Variants in CFAP97D1 observed in about 807,000 individuals in gnomAD.
CFAP97D1 encodes the protein CFAP97 domain containing 1.
Under a neutral mutation model 20.5 loss-of-function variants are expected in CFAP97D1, and 15 were observed. The ratio of observed to expected loss-of-function variants is 0.73; its 90% confidence interval spans 0.49 to 1.13. The LOEUF is 1.13. CFAP97D1 is among the 50% of genes most tolerant of loss of function. The pLI is 0.00. For missense variants in CFAP97D1, 168 were observed against 202.9 expected (o/e 0.83, Z 1.04); for synonymous variants, 58 against 71.2 (o/e 0.82, Z 0.93).
In CFAP97D1 at chr17:43,781,846, C is replaced by T. The variant is rs144404351; in HGVS notation, c.268C>T (p.Arg90Cys). 291 of 1,551,390 alleles carry T rather than the reference C, an allele frequency of 1.9e-4. 2 individuals carry two copies. The African/African-American group carries it at 3.7e-3, about 19-fold the overall frequency. ...QLCQKIANAH[R>C]GPAKVDCWNE... ...GTGTCAGAAAATCGCAAATGCCCAT[C>T]GCGGCCCTGCCAAGGTGGATTGCTG... The change falls in exon 3 of 6, where the codon CGC becomes TGC. Residue 90 changes from arginine to cysteine, a missense_variant. Physicochemically the swap from Arg to Cys is radical, Grantham distance 180 (BLOSUM62 -3). Transcript: ENST00000449302.
rs540398855 is a variant in CFAP97D1, at chr17:43,786,955, C to CAT, written c.*2574_*2575dup. The CAT allele has an allele frequency of 6.7e-6, 1 of 149,656 alleles. No individual in the cohort carries two copies. The highest frequency in any genetic ancestry group is 2.5e-5 in the African/African-American group (1 of 40,470). 9.3% of individuals were successfully genotyped at this position (149,656 alleles called of 1,614,324 possible). On this transcript the variant is annotated 3_prime_UTR_variant, in exon 6 of 6. Coordinates refer to ENST00000449302, the MANE Select transcript of CFAP97D1 (RefSeq NM_001136483.3). The stretch of plus-strand genomic sequence containing the variant: ...TTGGGGTAGTTTCTAGTTTTTCAAA[C>CAT]ATTATTATTATTATTATTATTATTA...
Position 43,781,327 on chromosome 17 carries a change from G to A in CFAP97D1, c.195+138G>A, listed in dbSNP as rs553172591. The A allele has an allele frequency of 1.2e-4, 86 of 700,994 alleles. 1 individual carries two copies. The highest frequency in any genetic ancestry group is 8.5e-4 in the East Asian group (31 of 36,470). The allele number at this position is 700,994 out of a possible 1,614,324, so 43.4% of individuals were successfully genotyped here. ...TTGTTAATACTCCTCCTCCCCACGC[G>A]TCACCCCCAGTCGTTTTTTTCCCCC... On this transcript the variant is annotated intron_variant, in intron 2 of 5. Transcript: ENST00000449302.
In CFAP97D1 at chr17:43,781,615, G is replaced by A. The variant is rs181463187; in HGVS notation, c.196-159G>A. Among the ~76,000 whole-genome samples the A allele has an allele frequency of 1.9e-3, 288 of 151,292 alleles. 1 individual carries two copies. Among genetic ancestry groups the A allele is most frequent in the Middle Eastern group, 0.01 (3 of 294 alleles). On this transcript the variant is annotated intron_variant, in intron 2 of 5. Transcript: ENST00000449302. Reference sequence around the variant, plus strand: ...GCTGGGATTACAGGCGTGAGCCACCGTGCCCGGCCGCCCAGTCTTTTAAGT... The same window carrying A: ...GCTGGGATTACAGGCGTGAGCCACCATGCCCGGCCGCCCAGTCTTTTAAGT...
chr17:43,781,322 C>G (rs1042448514), intron 2 of CFAP97D1, 133 bp downstream of exon 2: 6 of 727,314 alleles, frequency 8.2e-6, no homozygotes, highest in Non-Finnish European at 1.4e-5. Flanking sequence ...TCCTCCTCCC[C>G]ACGCGTCACC....
At position 43,783,161 on chromosome 17, in the gene CFAP97D1, G is replaced by C. The variant is rs553692249; in HGVS notation, c.315-19G>C. The C allele has an allele frequency of 3.2e-6, 5 of 1,551,268 alleles. No homozygotes were observed. The highest frequency in any genetic ancestry group is 4.4e-6 in the Non-Finnish European group (5 of 1,146,878). ...GAGCATTTCCTTCTTCACCCATTTC[G>C]GGGTTTTGTGTTTTTCAGCTTAAAC... On this transcript the variant is annotated intron_variant, in intron 3 of 5. Coordinates refer to ENST00000449302, the MANE Select transcript of CFAP97D1 (RefSeq NM_001136483.3).
intron 4 of CFAP97D1, among the ~76,000 whole-genome samples, 189 bp from the exon 5 acceptor site, chr17:43,783,648 G>A (rs576222669): frequency 6.6e-6 from 1 of 151,694 alleles, no homozygotes; most frequent in African/African-American, 2.4e-5. Flanking sequence ...TCAGTATGCG[G>A]TTGGTTTGCT....
At position 43,784,857 on chromosome 17, in the gene CFAP97D1, G is replaced by A. The variant is rs2044281604; in HGVS notation, c.*475G>A. The A allele has an allele frequency of 6.6e-6, 1 of 152,154 alleles. No homozygotes were observed. The highest frequency in any genetic ancestry group is 2.4e-5 in the African/African-American group (1 of 41,428). The allele number at this position is 152,154 out of a possible 1,614,324, so 9.4% of individuals were successfully genotyped here. On this transcript the variant is annotated 3_prime_UTR_variant, in exon 6 of 6. Transcript: ENST00000449302. ...AGAATGCCTCATTGAAGTTTCCATG[G>A]ACTCTGTTCATTTATAGGGAGCAGC...
In CFAP97D1 at chr17:43,783,211, G is replaced by A; in HGVS notation, c.346G>A (p.Val116Met). The A allele has an allele frequency of 1.3e-6, 2 of 1,551,532 alleles. No individual in the cohort carries two copies. Among genetic ancestry groups the A allele is most frequent in the South Asian group, 1.2e-5 (1 of 84,052 alleles). ...CAGAGAAACAAGGAACCGCGAGCTA[G>A]TGAGAATCACCATGGAAAACCAGGG... Reference protein sequence around the residue: ...LNRETRNRELVRITMENQGIL... With the variant: ...LNRETRNRELMRITMENQGIL... Residue 116 changes from valine (V) to methionine (M), a missense_variant, in exon 4 of 6, where the codon GTG (valine) becomes ATG (methionine). By Grantham distance (21) the Val-to-Met change is conservative (BLOSUM62 1). Coordinates refer to ENST00000449302, the MANE Select transcript of CFAP97D1 (RefSeq NM_001136483.3).
In CFAP97D1 at chr17:43,786,316, T is replaced by C. The variant is rs2044292396; in HGVS notation, c.*1934T>C. 6.6e-6 allele frequency: 1 copy of C among 152,138 alleles called. No individual in the cohort carries two copies. The highest frequency in any genetic ancestry group is 2.4e-5 in the African/African-American group (1 of 41,406). The allele number at this position is 152,138 out of a possible 1,614,324, so 9.4% of individuals were successfully genotyped here. ...CACCCAAAAATAATGCTTTACCAGG[T>C]TTCTATTCAGTCAAGTTGGCACCTT... On this transcript the variant is annotated 3_prime_UTR_variant, in exon 6 of 6. Transcript: ENST00000449302.
chr17:43,781,008 C>T (rs1974466862), intron 1 of CFAP97D1, 111 bp from the exon 2 acceptor site: 2 of 775,914 alleles, frequency 2.6e-6, no homozygotes, highest in South Asian at 3.4e-5. Flanking sequence ...GCATTAAGGT[C>T]CTAATTCGAA....
rs534264069 is a variant in CFAP97D1, at chr17:43,783,260, G to T, written c.395G>T (p.Arg132Leu). 7 of 1,551,312 alleles carry T rather than the reference G, an allele frequency of 4.5e-6. No individual in the cohort carries two copies. The South Asian group carries it at 5.9e-5, about 13-fold the overall frequency. ...GGCATTCTGAAGAGGCTTGTTGATC[G>T]CAAACCCCACTATGACCGCAGGGCA... The part of the protein sequence containing the change: ...NQGILKRLVD[R>L]KPHYDRRASE... Residue 132 changes from arginine (R) to leucine (L), a missense_variant, in exon 4 of 6, where the codon CGC (arginine) becomes CTC (leucine). Arg to Leu is a moderately radical substitution (Grantham distance 102). Transcript: ENST00000449302.
At chr17:43,781,042 G>C (rs1974467170) in intron 1 of CFAP97D1, 77 bp from the exon 2 acceptor site, 1 of 1,093,908 alleles carries the variant, frequency 9.1e-7, no homozygotes, top group Non-Finnish European at 1.4e-6. Context: ...CAAGGACATT[G>C]TCTAGTGCTG....
rs2154590829 is a variant in CFAP97D1 at position 43,784,434 on chromosome 17, C to T, written c.*52C>T. 6.6e-6 allele frequency: 1 copy of T among 152,382 alleles called. No individual in the cohort carries two copies. Among genetic ancestry groups the T allele is most frequent in the East Asian group, 1.9e-4 (1 of 5,192 alleles). The allele number at this position is 152,382 out of a possible 1,614,324, so 9.4% of individuals were successfully genotyped here. ...AGAAGGCCCTAGGATTTCTTGGCTG[C>T]TCAGGATCTCAAGACACTCCCGACT... On this transcript the variant is annotated 3_prime_UTR_variant, in exon 6 of 6. Transcript: ENST00000449302.
rs2044290630 is a variant in CFAP97D1 at position 43,786,029 on chromosome 17, G to A, written c.*1647G>A. 6.6e-6 allele frequency: 1 copy of A among 152,320 alleles called. No homozygotes were observed. The highest frequency in any genetic ancestry group is 6.5e-5 in the Admixed American group (1 of 15,284). 9.4% of individuals were successfully genotyped at this position (152,320 alleles called of 1,614,324 possible). ...AACTCTCAGTTCGAGGCCAAAGGCTGAGAACCCACTAGGGGGGACAAGGGT... is the reference window on the plus strand; with the variant it reads ...AACTCTCAGTTCGAGGCCAAAGGCTAAGAACCCACTAGGGGGGACAAGGGT... On this transcript the variant is annotated 3_prime_UTR_variant, in exon 6 of 6. Coordinates refer to ENST00000449302, the MANE Select transcript of CFAP97D1 (RefSeq NM_001136483.3).
intron 5 of CFAP97D1, 23 bp downstream of exon 5, chr17:43,783,916 C>T (rs1974500435): frequency 2.0e-6 from 3 of 1,523,376 alleles, no homozygotes; most frequent in Non-Finnish European, 2.7e-6. Context: ...TACTATCAAA[C>T]ACTGTGACCA....
rs539319345 is a variant in CFAP97D1, at chr17:43,781,140, A to C, written c.146A>C (p.Lys49Thr). 14 of 1,551,566 alleles carry C rather than the reference A, an allele frequency of 9.0e-6. No individual in the cohort carries two copies. The East Asian group carries it at 2.4e-4, about 27-fold the overall frequency. Reference protein sequence around the residue: ...IQIAKPTVDTKPPVAHTNHIL... With the variant: ...IQIAKPTVDTTPPVAHTNHIL... ...CTAGCGAAGCCTACTGTTGATACCAAACCTCCAGTGGCGCACACAAATCAC... is the reference window on the plus strand; with the variant it reads ...CTAGCGAAGCCTACTGTTGATACCACACCTCCAGTGGCGCACACAAATCAC... Residue 49 changes from lysine (K) to threonine (T), a missense_variant, in exon 2 of 6, where the codon AAA becomes ACA. Lys to Thr is a moderately conservative substitution (Grantham distance 78). Coordinates refer to ENST00000449302, the MANE Select transcript of CFAP97D1 (RefSeq NM_001136483.3).
At chr17:43,783,106 C>T (rs1431137756) in intron 3 of CFAP97D1, 74 bp from the exon 4 acceptor site, 2 of 1,536,142 alleles carry the variant, frequency 1.3e-6, no homozygotes, top group East Asian at 2.4e-5. Context: ...TTTATGATCT[C>T]ATGACTTCAT....
At chr17:43,780,906 T>C (rs1160677948) in intron 1 of CFAP97D1, among the ~76,000 whole-genome samples, 28 of 152,248 alleles carry the variant, frequency 1.8e-4, no homozygotes, top group Admixed American at 1.8e-3. Context: ...AGGACATTTA[T>C]CTCTGTAAAT....
rs777725073 is a variant in CFAP97D1, at chr17:43,780,558, C to A, written c.96C>A (p.Tyr32Ter). ...GAAAGAAACTGGACTTTGGCCACTA[C>A]GTATCTCACAAGAATAGAATACAAA... ...TFRKKLDFGH[Y>*]VSHKNRIQIA... The change falls in exon 1 of 6, where the codon TAC becomes TAA. Residue 32 changes from tyrosine to a stop codon, truncating the protein, a stop_gained. Coordinates refer to ENST00000449302, the MANE Select transcript of CFAP97D1 (RefSeq NM_001136483.3). LOFTEE classifies it high-confidence loss of function. The A allele has an allele frequency of 1.3e-6, 2 of 1,551,542 alleles. No individual in the cohort carries two copies. The highest frequency in any genetic ancestry group is 2.7e-5 in the African/African-American group (2 of 73,038).
Sources: allele counts gnomAD v4.1 joint callset (sites outside exome capture counted in the v4.1 genomes callset), GRCh38; gene constraint gnomAD v4.1.1; transcripts MANE v1.5; gene names NCBI Gene and HGNC (gene_info 2026-07-23, HGNC 2026-07-21).